SFSWAP: variants seen among roughly 807,000 people sequenced by gnomAD.
SFSWAP encodes splicing factor SWAP.
SFSWAP carries 17 observed loss-of-function variants against 100.7 expected under a neutral mutation model. That is an observed-to-expected ratio of 0.17 (90% CI 0.12 to 0.25). The LOEUF (loss-of-function observed/expected upper bound fraction) is 0.25, where lower values mean the gene tolerates loss of function less well. Among genes scored for constraint, SFSWAP ranks in the 10% least tolerant of loss-of-function variants. The probability of loss-of-function intolerance (pLI) is 1.00; values close to 1 mark genes in which losing one functional copy is unlikely to be tolerated. For synonymous variants in SFSWAP, 504 were observed against 510.1 expected (o/e 0.99, Z 0.16); for missense variants, 1,005 against 1,262.6 (o/e 0.80, Z 3.09).
chr12:131,793,981 T>G lies in SFSWAP; in HGVS notation c.2535-3197T>G, dbSNP rs114937321. Among the ~76,000 whole-genome samples the G allele has an allele frequency of 9.5e-3, 1,444 of 152,260 alleles. 27 individuals carry two copies. Among genetic ancestry groups the G allele is most frequent in the African/African-American group, 0.033 (1,390 of 41,548 alleles). On this transcript the variant is annotated intron_variant, in intron 15 of 17. Coordinates refer to ENST00000261674, the MANE Select transcript of SFSWAP (RefSeq NM_004592.4). Reference sequence around the variant, plus strand: ...ATTGGGAAACGTGTGCAGTTTCTTGTGACGTTAAGTACACACCTACTCCCT... The same window carrying G: ...ATTGGGAAACGTGTGCAGTTTCTTGGGACGTTAAGTACACACCTACTCCCT...
rs1432019772 is a variant in SFSWAP at position 131,781,636 on chromosome 12, T to TA, written c.2408+3307dup. On this transcript the variant is annotated intron_variant, in intron 14 of 17. Transcript: ENST00000261674. The stretch of plus-strand genomic sequence containing the variant: ...TAAAAGAAAAAATTAAGGTAAAAGT[T>TA]ACCTGAGTGTGGTTTCCACCGTGAT... Among the ~76,000 whole-genome samples, 5 of 152,230 alleles carry TA rather than the reference T, an allele frequency of 3.3e-5. No homozygotes were observed. In the East Asian group the frequency reaches 7.7e-4, roughly 23 times the overall value.
In SFSWAP at chr12:131,734,840, T is replaced by C. The variant is rs1198736069; in HGVS notation, c.1081+6412T>C. ...GCTCGTGTATGCTGAGGAGCAGGCA[T>C]TGGAACATGACGGAGCTGCTGCTGC... On this transcript the variant is annotated intron_variant, in intron 7 of 17. Transcript: ENST00000261674. This position sits in a 1 kb window ranked among gnomAD's most constrained non-coding sequence, Gnocchi z 4.9. 6.6e-6 allele frequency among the ~76,000 whole-genome samples: 1 copy of C among 151,652 alleles called. No individual in the cohort carries two copies. The highest frequency in any genetic ancestry group is 1.5e-5 in the Non-Finnish European group (1 of 67,928).
chr12:131,753,958 C>T (rs751042431), intron 8 of SFSWAP, among the ~76,000 whole-genome samples: 41 of 152,104 alleles, frequency 2.7e-4, no homozygotes, highest in East Asian at 9.6e-4. Flanking sequence ...ATGAAACACG[C>T]GAGTTTCTGT....
At chr12:131,728,233 A>G in intron 6 of SFSWAP, 60 bp from the exon 7 acceptor site, 1 of 1,594,664 alleles carries the variant, frequency 6.3e-7, no homozygotes, top group Non-Finnish European at 8.6e-7. Flanking sequence ...CTTTTGCAGC[A>G]GAAGAGTTCT....
At chr12:131,777,170 T>C (rs1185426102) in intron 13 of SFSWAP, among the ~76,000 whole-genome samples, 3 of 152,236 alleles carry the variant, frequency 2.0e-5, no homozygotes, top group African/African-American at 7.2e-5. Context: ...ACTTTAAGTT[T>C]TAGGGTACAT....
In SFSWAP at chr12:131,756,419, T is replaced by A. The variant is rs910839135; in HGVS notation, c.1549-54T>A. ...TATACCGTATACATCTCTCTTTTTTTAAAATTTCTGTATAATTTCCTGCTG... is the reference window on the plus strand; with the variant it reads ...TATACCGTATACATCTCTCTTTTTTAAAAATTTCTGTATAATTTCCTGCTG... On this transcript the variant is annotated intron_variant, in intron 10 of 17. Transcript: ENST00000261674. 2.2e-4 allele frequency: 339 copies of A among 1,545,158 alleles called. 1 individual carries two copies. The highest frequency in any genetic ancestry group is 6.8e-4 in the South Asian group (61 of 89,242).
intron 16 of SFSWAP, among the ~76,000 whole-genome samples, chr12:131,797,706 C>A (rs376926149): frequency 6.6e-6 from 1 of 152,108 alleles, no homozygotes; most frequent in Admixed American, 6.5e-5. Context: ...TCACCAGGTC[C>A]CCAGGCTGCC....
At chr12:131,751,504 C>T (rs2136221231) in intron 7 of SFSWAP, among the ~76,000 whole-genome samples, 1 of 152,348 alleles carries the variant, frequency 6.6e-6, no homozygotes, top group Non-Finnish European at 1.5e-5. Context: ...GGGCTGCACT[C>T]TCTCCCCTGG....
chr12:131,799,536 C>T lies in SFSWAP; in HGVS notation c.*48C>T. The T allele has an allele frequency of 2.0e-6, 3 of 1,535,536 alleles. No homozygotes were observed. Among genetic ancestry groups the T allele is most frequent in the Non-Finnish European group, 2.7e-6 (3 of 1,115,626 alleles). ...CCGGGAGGCTGCGTGGGCTTCTGGG[C>T]AGGCTCACGCAGACGCCGGCCACAC... On this transcript the variant is annotated 3_prime_UTR_variant, in exon 18 of 18. Transcript: ENST00000261674.
rs144919991 is a variant in SFSWAP, at chr12:131,780,342, G to A, written c.2408+2012G>A. 7.6e-3 allele frequency among the ~76,000 whole-genome samples: 1,151 copies of A among 152,188 alleles called. 14 individuals carry two copies. Among genetic ancestry groups the A allele is most frequent in the African/African-American group, 0.025 (1,034 of 41,512 alleles). On this transcript the variant is annotated intron_variant, in intron 14 of 17. Transcript: ENST00000261674. ...CTCCCAGGAACTTGTATTGTATATCGAAGCTTTTTAAAAATTTCTCATTTG... is the reference window on the plus strand; with the variant it reads ...CTCCCAGGAACTTGTATTGTATATCAAAGCTTTTTAAAAATTTCTCATTTG...
At chr12:131,784,816 T>C (rs1410550149) in intron 14 of SFSWAP, 1 of 316,506 alleles carries the variant, frequency 3.2e-6, no homozygotes, top group African/African-American at 2.1e-5. Context: ...GAAAATCTAC[T>C]GGTAACAGCC....
chr12:131,759,830 G>A (rs1010235088), intron 11 of SFSWAP, among the ~76,000 whole-genome samples: 2 of 151,826 alleles, frequency 1.3e-5, no homozygotes, highest in Admixed American at 6.6e-5. Flanking sequence ...AAAGAAAATA[G>A]TAATAGATGA....
intron 7 of SFSWAP, among the ~76,000 whole-genome samples, chr12:131,751,178 G>A (rs1235235353): frequency 6.6e-6 from 1 of 152,184 alleles, no homozygotes; most frequent in East Asian, 1.9e-4. Context: ...CTTCATCTCT[G>A]TTGTGTTCCA....
intron 6 of SFSWAP, among the ~76,000 whole-genome samples, chr12:131,727,589 G>A (rs1225340796): frequency 6.6e-6 from 1 of 152,158 alleles, no homozygotes; most frequent in Non-Finnish European, 1.5e-5. Flanking sequence ...AGGTTGCAGT[G>A]AGCCAAGATC....
chr12:131,714,013 C>T lies in SFSWAP; in HGVS notation c.219-58C>T. On this transcript the variant is annotated intron_variant, in intron 1 of 17. Transcript: ENST00000261674. This position sits in a 1 kb window ranked among gnomAD's most constrained non-coding sequence, Gnocchi z 6.0. ...ATATATACATATATAAAACATCACA[C>T]ACGCACACCAGTCTAGACGTTAATT... 7.7e-7 allele frequency: 1 copy of T among 1,301,064 alleles called. No individual in the cohort carries two copies. The allele number at this position is 1,301,064 out of a possible 1,614,324, so 80.6% of individuals were successfully genotyped here. A position where few individuals can be genotyped will look rare whatever the true frequency, so the allele number is the denominator to read the frequency against.
intron 14 of SFSWAP, chr12:131,784,468 T>G (rs747514388): frequency 6.6e-6 from 1 of 152,230 alleles, no homozygotes; most frequent in Non-Finnish European, 1.5e-5. Flanking sequence ...AGATAAAATT[T>G]CTGGACTGTT....
chr12:131,714,202 C>G lies in SFSWAP; in HGVS notation c.350C>G (p.Ala117Gly). The G allele has an allele frequency of 6.2e-7, 1 of 1,613,752 alleles. No homozygotes were observed. Among genetic ancestry groups the G allele is most frequent in the Non-Finnish European group, 8.5e-7 (1 of 1,179,786 alleles). Residue 117 changes from alanine to glycine, a missense_variant, in exon 2 of 18, where the codon GCC (alanine) becomes GGC (glycine). Coordinates refer to ENST00000261674, the MANE Select transcript of SFSWAP (RefSeq NM_004592.4). The surrounding 1 kb of genome is among the most constrained non-coding windows in gnomAD (Gnocchi z 6.0). ...EALCDEERYL[A>G]LHTDLLEEEA... ...CTGTGTGATGAAGAGAGGTATTTAGCCTTGCATACGGACTTGCTTGAGGAG... is the reference window on the plus strand; with the variant it reads ...CTGTGTGATGAAGAGAGGTATTTAGGCTTGCATACGGACTTGCTTGAGGAG...
At chr12:131,773,223 G>A (rs1012973100) in intron 13 of SFSWAP, among the ~76,000 whole-genome samples, 1 of 152,166 alleles carries the variant, frequency 6.6e-6, no homozygotes, top group Non-Finnish European at 1.5e-5. Context: ...TTCATTCCTA[G>A]TGTGTGTTCG....
chr12:131,750,290 G>A (rs1881503137), intron 7 of SFSWAP, among the ~76,000 whole-genome samples: 1 of 152,252 alleles, frequency 6.6e-6, no homozygotes, highest in South Asian at 2.1e-4. Context: ...GCATGGCAGT[G>A]CCATAGGACA....
Sources: allele counts gnomAD v4.1 joint callset (sites outside exome capture counted in the v4.1 genomes callset), GRCh38; gene constraint gnomAD v4.1.1; non-coding constraint Gnocchi (gnomAD v3.1); transcripts MANE v1.5; gene names NCBI Gene and HGNC (gene_info 2026-07-23, HGNC 2026-07-21).